LGMN: variants seen among roughly 807,000 people sequenced by gnomAD.
LGMN encodes legumain.
In LGMN, 36 loss-of-function variants were observed where a neutral mutation model predicts 56.8. The observed-to-expected ratio is 0.63, with a 90% confidence interval of 0.49 to 0.84. LGMN has a LOEUF of 0.84. Ranked by LOEUF, LGMN falls within the 40% of genes least tolerant of loss-of-function variation. The pLI is 0.00. For synonymous variants in LGMN, 199 were observed against 210.1 expected (o/e 0.95, Z 0.46); for missense variants, 446 against 556.1 (o/e 0.80, Z 1.99).
chr14:92,733,204 T>C (rs1041902042), intron 1 of LGMN, among the ~76,000 whole-genome samples: 3 of 146,734 alleles, frequency 2.0e-5, no homozygotes, highest in African/African-American at 7.6e-5. Context: ...GAAAATATCA[T>C]AGTAAATGGG....
rs58813848 is a variant in LGMN at position 92,708,856 on chromosome 14, CAA to C, written c.1020+814_1020+815del. Among the ~76,000 whole-genome samples, 840 of 71,610 alleles carry C rather than the reference CAA, an allele frequency of 0.012. 26 individuals are homozygous for C. The East Asian group carries it at 0.16, about 13-fold the overall frequency. 47.0% of individuals were successfully genotyped at this position (71,610 alleles called of 152,430 possible). A position where few individuals can be genotyped will look rare whatever the true frequency, so the allele number is the denominator to read the frequency against. ...TGGCGACAGAGCAAGACTCTTGTCT[CAA>C]AAAAAAAAAAAAAAAAAAAAAAATC... On this transcript the variant is annotated intron_variant, in intron 11 of 13. Coordinates refer to ENST00000334869, the MANE Select transcript of LGMN (RefSeq NM_005606.7).
chr14:92,707,902 A>G (rs1237007708), intron 11 of LGMN, among the ~76,000 whole-genome samples: 1 of 152,236 alleles, frequency 6.6e-6, no homozygotes, highest in Non-Finnish European at 1.5e-5. Flanking sequence ...CTGTAATCCC[A>G]GAACTTTGGG....
rs150579272 is a variant in LGMN, at chr14:92,712,065, T to C, written c.611-110A>G. 1.8e-3 allele frequency: 1,512 copies of C among 829,500 alleles called. 19 individuals carry two copies. In the African/African-American group the frequency reaches 0.023, roughly 13 times the overall value. 51.4% of individuals were successfully genotyped at this position (829,500 alleles called of 1,614,324 possible). A position where few individuals can be genotyped will look rare whatever the true frequency, so the allele number is the denominator to read the frequency against. On this transcript the variant is annotated intron_variant, in intron 8 of 13. Transcript: ENST00000334869. Reference sequence around the variant, plus strand: ...CGGTGAAATCGAAGCATGCTACTTATGATCCACACAGGAGGGCAGGGACAC... The same window carrying C: ...CGGTGAAATCGAAGCATGCTACTTACGATCCACACAGGAGGGCAGGGACAC...
chr14:92,724,844 T>C (rs898650040), intron 2 of LGMN, among the ~76,000 whole-genome samples: 2 of 152,182 alleles, frequency 1.3e-5, no homozygotes, highest in East Asian at 1.9e-4. Flanking sequence ...TCTAAATACA[T>C]TGGCGTGCCC....
chr14:92,724,063 T>C (rs113728251), intron 2 of LGMN, among the ~76,000 whole-genome samples: 7 of 152,344 alleles, frequency 4.6e-5, no homozygotes, highest in African/African-American at 1.7e-4. Flanking sequence ...GATGGAAATA[T>C]CAAACTGATT....
Position 92,714,420 on chromosome 14 carries a change from T to G in LGMN, c.436A>C (p.Thr146Pro), listed in dbSNP as rs1889958829. ...AGTATTCCAGTAGATCCATGGTCAG[T>G]GAAGTAAATGAACACGTGATCCTGG... ...GPQDHVFIYFTDHGSTGILVF... is the reference protein window; with the variant it reads ...GPQDHVFIYFPDHGSTGILVF... Residue 146 changes from threonine to proline, a missense_variant, in exon 6 of 14, where the codon ACT becomes CCT. By Grantham distance (38) the Thr-to-Pro change is conservative. Coordinates refer to ENST00000334869, the MANE Select transcript of LGMN (RefSeq NM_005606.7). The surrounding 1 kb of genome is among the most constrained non-coding windows in gnomAD (Gnocchi z 5.1). The G allele has an allele frequency of 1.9e-6, 3 of 1,612,106 alleles. No individual in the cohort carries two copies. Among genetic ancestry groups the G allele is most frequent in the African/African-American group, 1.3e-5 (1 of 74,864 alleles).
Position 92,714,330 on chromosome 14 carries a change from C to CT in LGMN, c.480+45dup. On this transcript the variant is annotated intron_variant, in intron 6 of 13. Coordinates refer to ENST00000334869, the MANE Select transcript of LGMN (RefSeq NM_005606.7). The surrounding 1 kb of genome is among the most constrained non-coding windows in gnomAD (Gnocchi z 5.1). The stretch of plus-strand genomic sequence containing the variant: ...GGTTTAATCTCGACACCTAGGCTTG[C>CT]TTTTCTGTTCTGCTAGTTTGTCCTT... The CT allele has an allele frequency of 7.6e-7, 1 of 1,321,588 alleles. No individual in the cohort carries two copies. Among genetic ancestry groups the CT allele is most frequent in the East Asian group, 2.3e-5 (1 of 43,486 alleles). The allele number at this position is 1,321,588 out of a possible 1,614,324, so 81.9% of individuals were successfully genotyped here. A position where few individuals can be genotyped will look rare whatever the true frequency, so the allele number is the denominator to read the frequency against.
At chr14:92,722,625 A>C (rs910410565) in intron 2 of LGMN, among the ~76,000 whole-genome samples, 6 of 152,178 alleles carry the variant, frequency 3.9e-5, no homozygotes, top group African/African-American at 1.4e-4. Context: ...TTGGCTTAGC[A>C]AAATTAAAAC....
At chr14:92,723,904 G>A (rs899016055) in intron 2 of LGMN, among the ~76,000 whole-genome samples, 2 of 152,062 alleles carry the variant, frequency 1.3e-5, no homozygotes, top group African/African-American at 2.4e-5. Flanking sequence ...GCTAATTTTT[G>A]TATTTTTAGT....
intron 1 of LGMN, among the ~76,000 whole-genome samples, chr14:92,740,625 C>G (rs143460026): frequency 1.2e-3 from 179 of 152,348 alleles, no homozygotes; most frequent in African/African-American, 4.1e-3. Flanking sequence ...GAGCACAGAG[C>G]AGGCCCTCAC....
chr14:92,745,015 A>G (rs1341843264), intron 1 of LGMN, among the ~76,000 whole-genome samples: 3 of 152,170 alleles, frequency 2.0e-5, no homozygotes, highest in Non-Finnish European at 4.4e-5. Flanking sequence ...ATTTGGGTCA[A>G]CGGTGGGCAC....
At position 92,718,727 on chromosome 14, in the gene LGMN, T is replaced by A. The variant is rs370814777; in HGVS notation, c.236+20A>T. On this transcript the variant is annotated intron_variant, in intron 3 of 13. Transcript: ENST00000334869. ...ACCCTGAAGTCCTTCCCCACCAAGT[T>A]CCAAGTGTTCCCCACTTACTCTTCA... is the stretch of plus-strand genomic sequence containing the variant. The A allele has an allele frequency of 9.6e-5, 149 of 1,545,750 alleles. No individual in the cohort carries two copies. Among genetic ancestry groups the A allele is most frequent in the Non-Finnish European group, 1.3e-4 (143 of 1,118,880 alleles).
In LGMN at chr14:92,719,257, ACCGCCACCGCCGCCGCCGCCACCGCCG is replaced by A. The variant is rs1566924200; in HGVS notation, c.139-440_139-414del. Among the ~76,000 whole-genome samples the A allele has an allele frequency of 5.6e-3, 61 of 10,908 alleles. 1 individual carries two copies. The East Asian group carries it at 0.075, about 13-fold the overall frequency. 7.2% of individuals were successfully genotyped at this position (10,908 alleles called of 152,430 possible). A position where few individuals can be genotyped will look rare whatever the true frequency, so the allele number is the denominator to read the frequency against. ...CACCGCCACCACCGCCACCACCACCACCGCCACCGCCGCCGCCGCCACCGCCGCCGCCGCCGCCGCCGCCACCGCCGC... is the reference window on the plus strand; with the variant it reads ...CACCGCCACCACCGCCACCACCACCACCGCCGCCGCCGCCGCCACCGCCGC... On this transcript the variant is annotated intron_variant, in intron 2 of 13. Transcript: ENST00000334869.
rs140971903 is a variant in LGMN at position 92,735,496 on chromosome 14, C to T, written c.-29-2681G>A. 1.8e-3 allele frequency among the ~76,000 whole-genome samples: 271 copies of T among 152,106 alleles called. 1 individual carries two copies. The highest frequency in any genetic ancestry group is 3.6e-3 in the Admixed American group (55 of 15,286). ...TGGTGGGATTACAGGTGTGAGTCAC[C>T]GCACCTGGCCATGAGACTGCATTTC... On this transcript the variant is annotated intron_variant, in intron 1 of 13. Transcript: ENST00000334869.
intron 5 of LGMN, chr14:92,715,874 A>G (rs1325822649): frequency 1.9e-5 from 5 of 264,314 alleles, no homozygotes; most frequent in Non-Finnish European, 3.7e-5. Context: ...CAGACAAGGA[A>G]CGAGGAGTTT....
intron 3 of LGMN, among the ~76,000 whole-genome samples, chr14:92,718,111 G>C (rs1890163325): frequency 6.6e-6 from 1 of 152,196 alleles, no homozygotes. Flanking sequence ...CATTCTACGT[G>C]CAGGTCCCCT....
chr14:92,741,560 C>G (rs866427476), intron 1 of LGMN: 12 of 152,172 alleles, frequency 7.9e-5, no homozygotes, highest in Admixed American at 2.6e-4. Context: ...AAAATAAAAT[C>G]ATCCTGAAGG....
intron 11 of LGMN, 108 bp from the exon 12 acceptor site, chr14:92,706,761 G>T: frequency 2.0e-6 from 2 of 997,114 alleles, no homozygotes; most frequent in Non-Finnish European, 2.7e-6. Flanking sequence ...ACAGCCCTCA[G>T]CCTCCCGCAG....
chr14:92,719,281 G>GCCA (rs1392314026), intron 2 of LGMN, among the ~76,000 whole-genome samples: 1 of 18,096 alleles, frequency 5.5e-5, no homozygotes, highest in Non-Finnish European at 1.0e-4. Flanking sequence ...CGCCGCCACC[G>GCCA]CCGCCGCCGC....
Sources: allele counts gnomAD v4.1 joint callset (sites outside exome capture counted in the v4.1 genomes callset), GRCh38; gene constraint gnomAD v4.1.1; non-coding constraint Gnocchi (gnomAD v3.1); transcripts MANE v1.5; gene names NCBI Gene and HGNC (gene_info 2026-07-23, HGNC 2026-07-21).